Variants in ICA1 observed in about 807,000 individuals in gnomAD.
ICA1 encodes the protein 69 kDa islet cell autoantigen.
In ICA1, 40 loss-of-function variants were observed where a neutral mutation model predicts 71.0. The ratio of observed to expected loss-of-function variants is 0.56; its 90% CI spans 0.44 to 0.73. The LOEUF (loss-of-function observed/expected upper bound fraction) is 0.73, where lower values mean the gene tolerates loss of function less well. ICA1 is among the 30% of genes least tolerant of loss of function. The pLI, the probability that ICA1 is intolerant of heterozygous loss-of-function variation, is 0.00. For missense variants in ICA1, 578 were observed against 576.5 expected, an observed-to-expected ratio of 1.00 and a Z score of -0.03; for synonymous variants, 207 against 209.5, an observed-to-expected ratio of 0.99 and a Z score of 0.10.
chr7:8,216,502 T>A lies in ICA1; in HGVS notation c.579+1803A>T, dbSNP rs551106016. On this transcript the variant is annotated intron_variant, in intron 6 of 13. Coordinates refer to ENST00000402384, the MANE Select transcript of ICA1 (RefSeq NM_001136020.3). ...TGATGACACCAAGGAATGGGTAATG[T>A]TTCAACACTCAAACCAAATGACGAA... is the stretch of plus-strand genomic sequence containing the variant. 1.6e-3 allele frequency among the ~76,000 whole-genome samples: 246 copies of A among 151,470 alleles called. 1 individual carries two copies. The highest frequency in any genetic ancestry group is 2.4e-3 in the Non-Finnish European group (160 of 67,952).
chr7:8,256,550 A>T (rs1422433495), intron 1 of ICA1, among the ~76,000 whole-genome samples: 2 of 152,018 alleles, frequency 1.3e-5, no homozygotes. Flanking sequence ...CTCTCCTCAA[A>T]TGTTGCCTCT....
At chr7:8,119,524 A>C (rs1786002312) in intron 13 of ICA1, among the ~76,000 whole-genome samples, 1 of 152,252 alleles carries the variant, frequency 6.6e-6, no homozygotes, top group Non-Finnish European at 1.5e-5. Flanking sequence ...TAAATAAGTG[A>C]AACATCTGTG....
intron 7 of ICA1, 96 bp downstream of exon 7, chr7:8,158,430 AC>A: frequency 6.7e-7 from 1 of 1,499,514 alleles, no homozygotes; most frequent in African/African-American, 1.4e-5. Context: ...TCAGAACTTC[AC>A]AATGGCCAAA....
In ICA1 at chr7:8,234,060, A is replaced by C. The variant is rs909276034; in HGVS notation, c.18-1305T>G. Among the ~76,000 whole-genome samples the C allele has an allele frequency of 5.3e-5, 8 of 152,192 alleles. No homozygotes were observed. Among genetic ancestry groups the C allele is most frequent in the African/African-American group, 1.7e-4 (7 of 41,520 alleles). ...CAACATAGTAAAACCCCATCTCTAC[A>C]AATAATTAGTCAGGTGTGGTGGCAC... On this transcript the variant is annotated intron_variant, in intron 2 of 13. Coordinates refer to ENST00000402384, the MANE Select transcript of ICA1 (RefSeq NM_001136020.3). This position sits in a 1 kb window ranked among gnomAD's most constrained non-coding sequence, Gnocchi z 4.5.
intron 6 of ICA1, among the ~76,000 whole-genome samples, chr7:8,194,899 A>C (rs925353626): frequency 2.0e-5 from 3 of 152,198 alleles, no homozygotes; most frequent in Non-Finnish European, 4.4e-5. Context: ...TGCTTCAAAA[A>C]ATTTTTTTAT....
intron 12 of ICA1, among the ~76,000 whole-genome samples, chr7:8,133,785 C>T (rs1486878230): frequency 1.3e-5 from 2 of 151,534 alleles, no homozygotes; most frequent in Non-Finnish European, 2.9e-5. Context: ...AACTTCTCTA[C>T]TTGCCATTGC....
intron 13 of ICA1, among the ~76,000 whole-genome samples, chr7:8,122,258 T>G (rs1475618602): frequency 1.3e-5 from 2 of 152,192 alleles, no homozygotes; most frequent in Non-Finnish European, 2.9e-5. Flanking sequence ...CGAAGACAGC[T>G]AAGCTAAGAT....
In ICA1 at chr7:8,158,443, C is replaced by T; in HGVS notation, c.705+84G>A. 4 of 1,550,014 alleles carry T rather than the reference C, an allele frequency of 2.6e-6. No homozygotes were observed. In the South Asian group the frequency reaches 4.7e-5, roughly 18 times the overall value. ...ATTCAGAACTTCACAATGGCCAAAG[C>T]TTACTTTTAGCTCAAACACCATTTT... On this transcript the variant is annotated intron_variant, in intron 7 of 13. Coordinates refer to ENST00000402384, the MANE Select transcript of ICA1 (RefSeq NM_001136020.3).
intron 1 of ICA1, among the ~76,000 whole-genome samples, chr7:8,243,024 C>T: frequency 6.6e-6 from 1 of 152,132 alleles, no homozygotes; most frequent in East Asian, 1.9e-4. Flanking sequence ...TGAAACTATT[C>T]CAATCAATAG....
At chr7:8,227,603 G>GTT (rs1315561812) in intron 4 of ICA1, 9 of 360,910 alleles carry the variant, frequency 2.5e-5, no homozygotes, top group Non-Finnish European at 4.2e-5. Flanking sequence ...TGAAGTAGTT[G>GTT]TCTTTTTTTT....
intron 3 of ICA1, among the ~76,000 whole-genome samples, chr7:8,231,703 C>T (rs1800329951): frequency 6.6e-6 from 1 of 152,200 alleles, no homozygotes; most frequent in Non-Finnish European, 1.5e-5. Context: ...GCAGCCTTAA[C>T]ATTACAAAGT....
intron 6 of ICA1, among the ~76,000 whole-genome samples, chr7:8,188,923 T>G (rs558358893): frequency 1.3e-5 from 2 of 152,270 alleles, no homozygotes; most frequent in East Asian, 3.9e-4. Context: ...CAGGGGACCA[T>G]GCCAAACTGT....
At chr7:8,184,938 G>T (rs1351137317) in intron 6 of ICA1, among the ~76,000 whole-genome samples, 3 of 152,142 alleles carry the variant, frequency 2.0e-5, no homozygotes, top group Admixed American at 2.0e-4. Flanking sequence ...GTTAGGCTTG[G>T]TGGCGTGCGC....
At chr7:8,212,484 G>C (rs535604748) in intron 6 of ICA1, among the ~76,000 whole-genome samples, 137 of 62,618 alleles carry the variant, frequency 2.2e-3, no homozygotes, top group Non-Finnish European at 3.5e-3. Flanking sequence ...AGAAATGCTT[G>C]AACCTGGGAA....
intron 6 of ICA1, among the ~76,000 whole-genome samples, chr7:8,215,567 T>C (rs1795141019): frequency 6.6e-6 from 1 of 152,190 alleles, no homozygotes; most frequent in African/African-American, 2.4e-5. Flanking sequence ...ATCTGCCTCC[T>C]TACTGCTGTA....
At chr7:8,256,503 C>A (rs1810253599) in intron 1 of ICA1, among the ~76,000 whole-genome samples, 1 of 152,162 alleles carries the variant, frequency 6.6e-6, no homozygotes, top group South Asian at 2.1e-4. Context: ...CCTCCCCCTC[C>A]TTTGTCTGAT....
At position 8,235,900 on chromosome 7, in the gene ICA1, A is replaced by C; in HGVS notation, c.17+10T>G. On this transcript the variant is annotated intron_variant, in intron 2 of 13. Coordinates refer to ENST00000402384, the MANE Select transcript of ICA1 (RefSeq NM_001136020.3). ...CTTTCCCAATTCAGAAAAGATGACAAATTACTTACCATTTGTGTCCTGACA... is the reference window on the plus strand; with the variant it reads ...CTTTCCCAATTCAGAAAAGATGACACATTACTTACCATTTGTGTCCTGACA... 6.2e-7 allele frequency: 1 copy of C among 1,613,072 alleles called. No individual in the cohort carries two copies. The highest frequency in any genetic ancestry group is 8.5e-7 in the Non-Finnish European group (1 of 1,179,382).
Position 8,226,912 on chromosome 7 carries a change from C to T in ICA1, c.256+1689G>A, listed in dbSNP as rs1269929368. Among the ~76,000 whole-genome samples the T allele has an allele frequency of 6.6e-6, 1 of 152,112 alleles. No individual in the cohort carries two copies. The highest frequency in any genetic ancestry group is 1.5e-5 in the Non-Finnish European group (1 of 68,032). Reference sequence around the variant, plus strand: ...TTTTTCCTCTATATTCTTTTAGAAACACTAATATACGTAGGAAGCATAATT... The same window carrying T: ...TTTTTCCTCTATATTCTTTTAGAAATACTAATATACGTAGGAAGCATAATT... On this transcript the variant is annotated intron_variant, in intron 4 of 13. Coordinates refer to ENST00000402384, the MANE Select transcript of ICA1 (RefSeq NM_001136020.3). The surrounding 1 kb of genome is among the most constrained non-coding windows in gnomAD (Gnocchi z 4.4).
intron 8 of ICA1, among the ~76,000 whole-genome samples, chr7:8,154,520 T>G (rs1312063411): frequency 6.6e-6 from 1 of 152,214 alleles, no homozygotes; most frequent in East Asian, 1.9e-4. Context: ...TAACAGAGCT[T>G]GGCAACCCTC....
Sources: allele counts gnomAD v4.1 joint callset (sites outside exome capture counted in the v4.1 genomes callset), GRCh38; gene constraint gnomAD v4.1.1; non-coding constraint Gnocchi (gnomAD v3.1); transcripts MANE v1.5; gene names NCBI Gene and HGNC (gene_info 2026-07-23, HGNC 2026-07-21).